Variants in DMD observed in about 807,000 individuals in gnomAD.
The protein encoded by DMD is mutant dystrophin.
A neutral mutation model predicts 330.1 loss-of-function variants in DMD; 63 were observed. That is an observed-to-expected ratio of 0.19 (90% CI 0.16 to 0.24). DMD has a LOEUF of 0.24. Among genes scored for constraint, DMD ranks in the 10% least tolerant of loss-of-function variants. The probability of loss-of-function intolerance (pLI) is 1.00; values close to 1 mark genes in which losing one functional copy is unlikely to be tolerated. For missense variants in DMD, 3,344 were observed against 2,684.1 expected, an observed-to-expected ratio of 1.25 and a Z score of -5.43; for synonymous variants, 1,223 against 959.8, an observed-to-expected ratio of 1.27 and a Z score of -5.07.
At chrX:32,411,653 TG>T (rs1225419166) in intron 30 of DMD, 98 bp downstream of exon 30, 2 of 1,008,884 alleles carry the variant, frequency 2.0e-6, no homozygotes, top group African/African-American at 3.8e-5. Flanking sequence ...AACAACCCCA[TG>T]GAAAACTAGT....
chrX:32,470,163 A>T (rs949877852), intron 22 of DMD, among the ~76,000 whole-genome samples: 2 of 111,091 alleles, frequency 1.8e-5, no homozygotes, highest in African/African-American at 6.5e-5. Context: ...AGTTACAATT[A>T]TTCATAGGTT....
intron 9 of DMD, among the ~76,000 whole-genome samples, chrX:32,651,431 C>T (rs762274832): frequency 3.6e-5 from 4 of 112,157 alleles, no homozygotes; most frequent in Admixed American, 1.9e-4. Flanking sequence ...GTGTGAGCCA[C>T]GGTGTCCGGC....
chrX:31,784,322 A>C (rs1249989358), intron 50 of DMD, among the ~76,000 whole-genome samples: 1 of 111,974 alleles, frequency 8.9e-6, no homozygotes, highest in Non-Finnish European at 1.9e-5. Context: ...CATGAGGATG[A>C]CCACGATCAT....
intron 39 of DMD, 31 bp from the exon 40 acceptor site, chrX:32,343,317 C>T: frequency 1.7e-6 from 2 of 1,151,623 alleles, no homozygotes; most frequent in Non-Finnish European, 2.4e-6. Context: ...ATTAAAATAT[C>T]AATATATATG....
chrX:31,770,528 C>A (rs1603463070), intron 51 of DMD, among the ~76,000 whole-genome samples: 1 of 112,132 alleles, frequency 8.9e-6, no homozygotes, highest in East Asian at 2.8e-4. Flanking sequence ...CTAGGTAATT[C>A]CAACTCATTC....
intron 44 of DMD, among the ~76,000 whole-genome samples, chrX:32,178,239 T>A (rs762485256): frequency 9.2e-6 from 1 of 109,055 alleles, no homozygotes; most frequent in African/African-American, 3.3e-5. Flanking sequence ...CTACTTTTCA[T>A]GTACACTAGA....
At chrX:32,623,586 G>A (rs2058144211) in intron 11 of DMD, among the ~76,000 whole-genome samples, 1 of 102,833 alleles carries the variant, frequency 9.7e-6, no homozygotes, top group Non-Finnish European at 2.0e-5. Context: ...CGAGTACAGT[G>A]ACACAATCAT....
chrX:32,080,636 T>C (rs2096384767), intron 44 of DMD, among the ~76,000 whole-genome samples: 5 of 111,934 alleles, frequency 4.5e-5, no homozygotes, highest in Admixed American at 3.8e-4. Flanking sequence ...GAAGGAAGAA[T>C]GAACGGCTTG....
chrX:31,251,339 A>C (rs185571165), intron 63 of DMD, among the ~76,000 whole-genome samples: 91 of 110,994 alleles, frequency 8.2e-4, no homozygotes, highest in African/African-American at 2.7e-3. Context: ...TAAAATATAA[A>C]AACAATCACT....
chrX:32,822,308 G>A (rs1268987273), intron 5 of DMD, among the ~76,000 whole-genome samples: 1 of 110,302 alleles, frequency 9.1e-6, no homozygotes, highest in East Asian at 2.8e-4. Flanking sequence ...AACAGGGGTG[G>A]CAATATACCA....
intron 1 of DMD, among the ~76,000 whole-genome samples, chrX:33,232,171 G>C (rs936068981): frequency 8.9e-6 from 1 of 112,013 alleles, no homozygotes; most frequent in Admixed American, 9.5e-5. Context: ...GCTGCCAGTA[G>C]ATCTGCCTTG....
chrX:32,336,809 A>T (rs1407452997), intron 41 of DMD, among the ~76,000 whole-genome samples: 1 of 112,178 alleles, frequency 8.9e-6, no homozygotes, highest in Non-Finnish European at 1.9e-5. Flanking sequence ...ATGTTCAAAG[A>T]TACTGATATG....
intron 27 of DMD, 100 bp from the exon 28 acceptor site, chrX:32,441,414 T>A: frequency 3.5e-6 from 3 of 854,272 alleles, no homozygotes; most frequent in Non-Finnish European, 5.1e-6. Flanking sequence ...TATAACACTT[T>A]GTATTTTTCA....
intron 8 of DMD, 44 bp from the exon 9 acceptor site, chrX:32,698,042 A>G: frequency 8.7e-7 from 1 of 1,155,996 alleles, no homozygotes; most frequent in South Asian, 1.9e-5. Flanking sequence ...GGAGGGGGAA[A>G]AACCATAAGT....
rs1466562457 is a variant in DMD, at chrX:32,472,324, A to G, written c.2804-15T>C. Reference sequence around the variant, plus strand: ...AGTGTCAAAAACTTTATCAAAAGGGAAAAAAGAATGAGAATCACTTAATTG... The same window carrying G: ...AGTGTCAAAAACTTTATCAAAAGGGGAAAAAGAATGAGAATCACTTAATTG... On this transcript the variant is annotated splice_polypyrimidine_tract_variant and intron_variant, in intron 21 of 78. Coordinates refer to ENST00000357033, the MANE Select transcript of DMD (RefSeq NM_004006.3). The G allele has an allele frequency of 8.3e-7, 1 of 1,206,011 alleles. No individual in the cohort carries two copies. The highest frequency in any genetic ancestry group is 1.1e-6 in the Non-Finnish European group (1 of 892,097).
chrX:32,893,667 A>T (rs1453451678), intron 2 of DMD, among the ~76,000 whole-genome samples: 1 of 111,442 alleles, frequency 9.0e-6, no homozygotes, highest in Non-Finnish European at 1.9e-5. Flanking sequence ...TGGAGCTGGA[A>T]ATTTTTTTTT....
chrX:31,646,253 T>TTGTGTG (rs3032279), intron 54 of DMD, among the ~76,000 whole-genome samples: 19 of 103,033 alleles, frequency 1.8e-4, no homozygotes, highest in Admixed American at 3.2e-4. Context: ...GTGTTGTGTG[T>TTGTGTG]TGTGTGTGTG....
At chrX:31,707,930 A>G (rs1035893068) in intron 52 of DMD, among the ~76,000 whole-genome samples, 1 of 112,135 alleles carries the variant, frequency 8.9e-6, no homozygotes, top group Non-Finnish European at 1.9e-5. Context: ...TGGTAAAAAT[A>G]AAATAAAGGT....
At chrX:31,953,303 C>T (rs1304517906) in intron 45 of DMD, among the ~76,000 whole-genome samples, 1 of 111,880 alleles carries the variant, frequency 8.9e-6, no homozygotes, top group Admixed American at 9.5e-5. Flanking sequence ...AGGTCTCCAC[C>T]GTTACTGACA....
Sources: allele counts gnomAD v4.1 joint callset (sites outside exome capture counted in the v4.1 genomes callset), GRCh38; gene constraint gnomAD v4.1.1; transcripts MANE v1.5; gene names NCBI Gene and HGNC (gene_info 2026-07-23, HGNC 2026-07-21).